Variants in DCPS observed in about 807,000 individuals in gnomAD.
DCPS encodes decapping enzyme, scavenger, also known as m7GpppX diphosphatase.
DCPS carries 27 observed loss-of-function variants against 34.7 expected under a neutral mutation model. The ratio of observed to expected loss-of-function variants is 0.78; its 90% CI spans 0.57 to 1.07. The LOEUF is 1.07. DCPS is among the 50% of genes least tolerant of loss of function. The pLI, the probability that DCPS is intolerant of heterozygous loss-of-function variation, is 0.00. For missense variants in DCPS, 464 were observed against 436.9 expected (o/e 1.06, Z -0.55); for synonymous variants, 185 against 185.7 (o/e 1.00, Z 0.03).
At chr11:126,305,824 A>G (rs1257498438) in intron 1 of DCPS, among the ~76,000 whole-genome samples, 1 of 151,970 alleles carries the variant, frequency 6.6e-6, no homozygotes. Context: ...AGCTGTCTTC[A>G]GTGTGCAGCA....
rs962965417 is a variant in DCPS, at chr11:126,319,264, C to T, written c.377-12141C>T. Among the ~76,000 whole-genome samples, 3 of 152,102 alleles carry T rather than the reference C, an allele frequency of 2.0e-5. No individual in the cohort carries two copies. The highest frequency in any genetic ancestry group is 2.1e-4 in the South Asian group (1 of 4,814). Reference sequence around the variant, plus strand: ...ACCAGGCCCCTCTTCTGGGACTTCCCCCTTCATGCCTCCCACCCCATAATC... The same window carrying T: ...ACCAGGCCCCTCTTCTGGGACTTCCTCCTTCATGCCTCCCACCCCATAATC... On this transcript the variant is annotated intron_variant, in intron 2 of 5. Transcript: ENST00000263579. This position sits in a 1 kb window ranked among gnomAD's most constrained non-coding sequence, Gnocchi z 4.5.
In DCPS at chr11:126,323,634, C is replaced by T. The variant is rs1037019458; in HGVS notation, c.377-7771C>T. ...CACTGCAGCCTTGACCTTCCAGGCT[C>T]AAGCGATCCTCCCACCACCTCAGCC... is the stretch of plus-strand genomic sequence containing the variant. On this transcript the variant is annotated intron_variant, in intron 2 of 5. Coordinates refer to ENST00000263579, the MANE Select transcript of DCPS (RefSeq NM_014026.6). This position sits in a 1 kb window ranked among gnomAD's most constrained non-coding sequence, Gnocchi z 4.4. Among the ~76,000 whole-genome samples the T allele has an allele frequency of 2.6e-5, 4 of 151,926 alleles. No individual in the cohort carries two copies. The highest frequency in any genetic ancestry group is 9.7e-5 in the African/African-American group (4 of 41,330).
At chr11:126,343,482 T>G in intron 5 of DCPS, 65 bp downstream of exon 5, 3 of 1,352,618 alleles carry the variant, frequency 2.2e-6, no homozygotes, top group Non-Finnish European at 3.1e-6. Context: ...AGTGTGTTCC[T>G]GGGCCCCTTT....
chr11:126,349,875 A>C lies in DCPS; in HGVS notation c.*4262A>C, dbSNP rs141359729. On this transcript the variant is annotated 3_prime_UTR_variant, in exon 6 of 6. Transcript: ENST00000263579. This position sits in a 1 kb window ranked among gnomAD's most constrained non-coding sequence, Gnocchi z 5.4. ...TATAATATTATTGAAATTACATTGA[A>C]TTCTGAAATCCATGTCAACTTGAAG... is the stretch of plus-strand genomic sequence containing the variant. Among the ~76,000 whole-genome samples the C allele has an allele frequency of 3.4e-3, 516 of 152,368 alleles. 4 individuals are homozygous for C. The highest frequency in any genetic ancestry group is 0.011 in the African/African-American group (451 of 41,588).
chr11:126,312,150 C>T lies in DCPS; in HGVS notation c.376+5406C>T, dbSNP rs377306324. Among the ~76,000 whole-genome samples the T allele has an allele frequency of 2.4e-4, 37 of 151,962 alleles. No individual in the cohort carries two copies. Among genetic ancestry groups the T allele is most frequent in the Admixed American group, 1.9e-3 (29 of 15,256 alleles). ...TTCACCACATTGGCCAGGCTAGTCT[C>T]GGACTCCTGACCTCAGGTGATCCAC... On this transcript the variant is annotated intron_variant, in intron 2 of 5. Transcript: ENST00000263579. This position sits in a 1 kb window ranked among gnomAD's most constrained non-coding sequence, Gnocchi z 5.1.
chr11:126,335,698 G>T lies in DCPS; in HGVS notation c.523-2588G>T, dbSNP rs1173909822. ...AATCCCAGCACTTTGGGCCAAGGTG[G>T]GCAGTTCACTTGAGGTCAGGAGTTT... On this transcript the variant is annotated intron_variant, in intron 3 of 5. Transcript: ENST00000263579. This position sits in a 1 kb window ranked among gnomAD's most constrained non-coding sequence, Gnocchi z 4.8. Among the ~76,000 whole-genome samples the T allele has an allele frequency of 2.0e-5, 3 of 152,178 alleles. No homozygotes were observed. Among genetic ancestry groups the T allele is most frequent in the African/African-American group, 7.2e-5 (3 of 41,454 alleles).
intron 2 of DCPS, among the ~76,000 whole-genome samples, chr11:126,316,167 T>G (rs902480210): frequency 6.6e-6 from 1 of 152,102 alleles, no homozygotes; most frequent in Non-Finnish European, 1.5e-5. Flanking sequence ...TCTTTTTTCA[T>G]TGTGGTTAAA....
chr11:126,345,636 A>G lies in DCPS; in HGVS notation c.*23A>G, dbSNP rs2135340669. 2 of 1,601,644 alleles carry G rather than the reference A, an allele frequency of 1.2e-6. No individual in the cohort carries two copies. The highest frequency in any genetic ancestry group is 4.5e-5 in the East Asian group (2 of 44,600). On this transcript the variant is annotated 3_prime_UTR_variant, in exon 6 of 6. Coordinates refer to ENST00000263579, the MANE Select transcript of DCPS (RefSeq NM_014026.6). This position sits in a 1 kb window ranked among gnomAD's most constrained non-coding sequence, Gnocchi z 7.4. ...TGAATTAACTCAGGCAGAAGAGCAC[A>G]GATGTGTGGGATTGGGGGAGGAGTG...
Position 126,331,174 on chromosome 11 carries a change from G to A in DCPS, c.377-231G>A, listed in dbSNP as rs948879142. The stretch of plus-strand genomic sequence containing the variant: ...TGGGGTTTGCCTGATGAGGGGCCCA[G>A]TGACCCACAGGTAAGAACCTTGTGT... On this transcript the variant is annotated intron_variant, in intron 2 of 5. Coordinates refer to ENST00000263579, the MANE Select transcript of DCPS (RefSeq NM_014026.6). This position sits in a 1 kb window ranked among gnomAD's most constrained non-coding sequence, Gnocchi z 7.2. 6.6e-6 allele frequency among the ~76,000 whole-genome samples: 1 copy of A among 152,178 alleles called. No homozygotes were observed.
In DCPS at chr11:126,333,551, A is replaced by ATAT. The variant is rs1815769505; in HGVS notation, c.522+2001_522+2002insTAT. On this transcript the variant is annotated intron_variant, in intron 3 of 5. Transcript: ENST00000263579. This position sits in a 1 kb window ranked among gnomAD's most constrained non-coding sequence, Gnocchi z 5.7. ...ATCCTCCCCTTGGGTCTTACAGGACAAATAGAAGTTTACCAGGTGCACAAG... is the reference window on the plus strand; with the variant it reads ...ATCCTCCCCTTGGGTCTTACAGGACATATAATAGAAGTTTACCAGGTGCACAAG... Among the ~76,000 whole-genome samples the ATAT allele has an allele frequency of 1.3e-5, 2 of 152,220 alleles. No homozygotes were observed. The highest frequency in any genetic ancestry group is 1.3e-4 in the Admixed American group (2 of 15,288).
At chr11:126,304,390 C>T (rs1329256753) in intron 1 of DCPS, 109 bp downstream of exon 1, 46 of 1,294,876 alleles carry the variant, frequency 3.6e-5, no homozygotes, top group Non-Finnish European at 4.8e-5. Flanking sequence ...CAATCATTAT[C>T]ACTCCGGGGA....
intron 4 of DCPS, among the ~76,000 whole-genome samples, chr11:126,340,289 C>A (rs1046481205): frequency 6.6e-6 from 1 of 152,018 alleles, no homozygotes; most frequent in Admixed American, 6.6e-5. Flanking sequence ...TGCTTCATAG[C>A]GATGCAGGTG....
At position 126,345,973 on chromosome 11, in the gene DCPS, A is replaced by G. The variant is rs972166320; in HGVS notation, c.*360A>G. The stretch of plus-strand genomic sequence containing the variant: ...CACTCTGTGCCTCTCCTGTTTGTAC[A>G]ACTTCTTATTCTGCTCCTCCCCATC... On this transcript the variant is annotated 3_prime_UTR_variant, in exon 6 of 6. Coordinates refer to ENST00000263579, the MANE Select transcript of DCPS (RefSeq NM_014026.6). This position sits in a 1 kb window ranked among gnomAD's most constrained non-coding sequence, Gnocchi z 7.4. Among the ~76,000 whole-genome samples, 2 of 151,964 alleles carry G rather than the reference A, an allele frequency of 1.3e-5. No individual in the cohort carries two copies. Among genetic ancestry groups the G allele is most frequent in the African/African-American group, 2.4e-5 (1 of 41,366 alleles).
rs1951945222 is a variant in DCPS at position 126,347,458 on chromosome 11, A to G, written c.*1845A>G. ...AGGCTGGTCTCCAACTCCTGGCCTCAGGTGATCCACCCATCTCGGCCTCCC... is the reference window on the plus strand; with the variant it reads ...AGGCTGGTCTCCAACTCCTGGCCTCGGGTGATCCACCCATCTCGGCCTCCC... On this transcript the variant is annotated 3_prime_UTR_variant, in exon 6 of 6. Coordinates refer to ENST00000263579, the MANE Select transcript of DCPS (RefSeq NM_014026.6). The surrounding 1 kb of genome is among the most constrained non-coding windows in gnomAD (Gnocchi z 4.2). Among the ~76,000 whole-genome samples, 1 of 152,094 alleles carries G rather than the reference A, an allele frequency of 6.6e-6. No homozygotes were observed. Among genetic ancestry groups the G allele is most frequent in the South Asian group, 2.1e-4 (1 of 4,832 alleles).
At chr11:126,305,893 G>A (rs1284294586) in intron 1 of DCPS, among the ~76,000 whole-genome samples, 4 of 152,262 alleles carry the variant, frequency 2.6e-5, no homozygotes, top group East Asian at 1.9e-4. Flanking sequence ...GGAGACCTAG[G>A]TTCTGGTTTC....
In DCPS at chr11:126,327,951, A is replaced by G. The variant is rs961941905; in HGVS notation, c.377-3454A>G. 6.6e-6 allele frequency among the ~76,000 whole-genome samples: 1 copy of G among 152,230 alleles called. No homozygotes were observed. The highest frequency in any genetic ancestry group is 1.5e-5 in the Non-Finnish European group (1 of 68,042). On this transcript the variant is annotated intron_variant, in intron 2 of 5. Transcript: ENST00000263579. This position sits in a 1 kb window ranked among gnomAD's most constrained non-coding sequence, Gnocchi z 4.1. ...GAGGAAGCAAGCTGGTGGAGGAGAC[A>G]GAGGACCCCGAGGTTAGGGCTGCTG...
chr11:126,319,798 G>C lies in DCPS; in HGVS notation c.377-11607G>C, dbSNP rs905585238. On this transcript the variant is annotated intron_variant, in intron 2 of 5. Coordinates refer to ENST00000263579, the MANE Select transcript of DCPS (RefSeq NM_014026.6). This position sits in a 1 kb window ranked among gnomAD's most constrained non-coding sequence, Gnocchi z 4.5. ...CTTTGGGATACGGGAGTATTGCATA[G>C]AGGAACCAGACTGCCTGGGTTCAGA... 7.2e-5 allele frequency among the ~76,000 whole-genome samples: 11 copies of C among 152,160 alleles called. No individual in the cohort carries two copies. Among genetic ancestry groups the C allele is most frequent in the Admixed American group, 6.5e-4 (10 of 15,278 alleles).
In DCPS at chr11:126,313,629, C is replaced by T. The variant is rs571967653; in HGVS notation, c.376+6885C>T. On this transcript the variant is annotated intron_variant, in intron 2 of 5. Coordinates refer to ENST00000263579, the MANE Select transcript of DCPS (RefSeq NM_014026.6). This position sits in a 1 kb window ranked among gnomAD's most constrained non-coding sequence, Gnocchi z 4.9. ...AAGTTGAAAAACAAGCAGAACTGAA[C>T]AATATACTGCCTAGGGATGCATACA... is the stretch of plus-strand genomic sequence containing the variant. Among the ~76,000 whole-genome samples, 157 of 152,118 alleles carry T rather than the reference C, an allele frequency of 1.0e-3. No individual in the cohort carries two copies. The highest frequency in any genetic ancestry group is 3.5e-3 in the African/African-American group (145 of 41,508).
chr11:126,320,733 A>G lies in DCPS; in HGVS notation c.377-10672A>G, dbSNP rs921558438. Among the ~76,000 whole-genome samples the G allele has an allele frequency of 2.6e-5, 4 of 152,178 alleles. No individual in the cohort carries two copies. Among genetic ancestry groups the G allele is most frequent in the Admixed American group, 6.5e-5 (1 of 15,276 alleles). On this transcript the variant is annotated intron_variant, in intron 2 of 5. Coordinates refer to ENST00000263579, the MANE Select transcript of DCPS (RefSeq NM_014026.6). The surrounding 1 kb of genome is among the most constrained non-coding windows in gnomAD (Gnocchi z 4.7). ...CGGGAAGATCACTTCAGTCCAGGACATAGAGGCTGCACTCCAGCCTGGGAG... is the reference window on the plus strand; with the variant it reads ...CGGGAAGATCACTTCAGTCCAGGACGTAGAGGCTGCACTCCAGCCTGGGAG...
Sources: gnomAD v4.1 joint callset for allele counts (sites outside exome capture counted in the v4.1 genomes callset) on GRCh38, gnomAD v4.1.1 for gene constraint, Gnocchi (gnomAD v3.1) non-coding constraint, MANE v1.5 for transcripts, NCBI Gene and HGNC (gene_info 2026-07-23, HGNC 2026-07-21) for gene names.